Variants in PRKCA observed in about 807,000 individuals in gnomAD.
PRKCA encodes protein kinase C alpha type.
In PRKCA, 27 loss-of-function variants were observed where a neutral mutation model predicts 87.0. The observed-to-expected ratio is 0.31, with a 90% CI of 0.23 to 0.43. The LOEUF is 0.43. PRKCA is among the 20% of genes least tolerant of loss of function. PRKCA has a pLI of 1.00. For missense variants in PRKCA, 518 were observed against 852.3 expected (o/e 0.61, Z 4.88); for synonymous variants, 329 against 311.1 (o/e 1.06, Z -0.61).
chr17:66,791,262 G>A (rs935738622), intron 16 of PRKCA, among the ~76,000 whole-genome samples: 13 of 151,184 alleles, frequency 8.6e-5, no homozygotes, highest in South Asian at 4.2e-4. Flanking sequence ...AGAAATTGTC[G>A]ACCCAGGCCC....
chr17:66,548,885 G>A (rs1430069054), intron 3 of PRKCA, among the ~76,000 whole-genome samples: 17 of 151,764 alleles, frequency 1.1e-4, no homozygotes, highest in Admixed American at 1.1e-3. Context: ...CTCAGTCACT[G>A]CAGCCTCCGC....
chr17:66,477,316 A>G lies in PRKCA; in HGVS notation c.206-18885A>G, dbSNP rs556089871. Among the ~76,000 whole-genome samples, 39 of 152,342 alleles carry G rather than the reference A, an allele frequency of 2.6e-4. No homozygotes were observed. In the South Asian group the frequency reaches 7.9e-3, roughly 31 times the overall value. ...CGTAACAGCAGCATGTAGTTCTTCA[A>G]ATGTTAGCCAGGGGCGTTGCTTAAC... is the stretch of plus-strand genomic sequence containing the variant. On this transcript the variant is annotated intron_variant, in intron 2 of 16. Transcript: ENST00000413366.
At chr17:66,657,463 ACCTTCCT>A (rs1971766930) in intron 5 of PRKCA, among the ~76,000 whole-genome samples, 1 of 152,104 alleles carries the variant, frequency 6.6e-6, no homozygotes, top group Admixed American at 6.6e-5. Context: ...CAAAAGAGAC[ACCTTCCT>A]CACTGAACAC....
intron 2 of PRKCA, among the ~76,000 whole-genome samples, chr17:66,361,211 A>G (rs1477208427): frequency 6.6e-6 from 1 of 152,148 alleles, no homozygotes; most frequent in Non-Finnish European, 1.5e-5. Flanking sequence ...CCAAATGTCA[A>G]TAAGTCATTC....
rs139512913 is a variant in PRKCA, at chr17:66,683,235, A to G, written c.530-3876A>G. Among the ~76,000 whole-genome samples, 82 of 152,330 alleles carry G rather than the reference A, an allele frequency of 5.4e-4. 1 individual carries two copies. The East Asian group carries it at 0.015, about 28-fold the overall frequency. The stretch of plus-strand genomic sequence containing the variant: ...AAACAATCTTGGTTTTCTGTTTCCT[A>G]TAGTGATGTGTTTCCTTTTTAAATG... On this transcript the variant is annotated intron_variant, in intron 5 of 16. Coordinates refer to ENST00000413366, the MANE Select transcript of PRKCA (RefSeq NM_002737.3).
chr17:66,445,026 A>C (rs1275699625), intron 2 of PRKCA, among the ~76,000 whole-genome samples: 2 of 152,106 alleles, frequency 1.3e-5, no homozygotes, highest in African/African-American at 2.4e-5. Context: ...TACTGGATGG[A>C]GTTTGTAGCA....
chr17:66,302,742 C>G lies in PRKCA; in HGVS notation c.-110C>G, dbSNP rs1442537633. ...CGCGACCTCGGCCACCGGCCCGCGC[C>G]CCGCGCCCGGGGTCGCCCCGAGCCC... On this transcript the variant is annotated 5_prime_UTR_variant, in exon 1 of 17. Coordinates refer to ENST00000413366, the MANE Select transcript of PRKCA (RefSeq NM_002737.3). The G allele has an allele frequency of 1.2e-6, 1 of 862,650 alleles. No individual in the cohort carries two copies. Among genetic ancestry groups the G allele is most frequent in the African/African-American group, 1.8e-5 (1 of 54,410 alleles). 53.4% of individuals were successfully genotyped at this position (862,650 alleles called of 1,614,324 possible).
At position 66,745,987 on chromosome 17, in the gene PRKCA, A is replaced by T. The variant is rs148650175; in HGVS notation, c.1524+3227A>T. 4.8e-3 allele frequency among the ~76,000 whole-genome samples: 737 copies of T among 152,238 alleles called. 4 individuals are homozygous for T. The highest frequency in any genetic ancestry group is 7.4e-3 in the Non-Finnish European group (506 of 68,012). ...GCCACGAGGGATACAAAAAGACATCAGATGGCCCTTGCCCTCCAAGTGCTT... is the reference window on the plus strand; with the variant it reads ...GCCACGAGGGATACAAAAAGACATCTGATGGCCCTTGCCCTCCAAGTGCTT... On this transcript the variant is annotated intron_variant, in intron 13 of 16. Coordinates refer to ENST00000413366, the MANE Select transcript of PRKCA (RefSeq NM_002737.3).
At chr17:66,322,020 C>CA (rs970254816) in intron 2 of PRKCA, among the ~76,000 whole-genome samples, 2 of 152,184 alleles carry the variant, frequency 1.3e-5, no homozygotes, top group Non-Finnish European at 2.9e-5. Flanking sequence ...TTCTTTGCTC[C>CA]AAACTTTTTA....
intron 13 of PRKCA, among the ~76,000 whole-genome samples, chr17:66,753,137 G>C (rs1291705060): frequency 6.6e-6 from 1 of 152,238 alleles, no homozygotes; most frequent in Non-Finnish European, 1.5e-5. Flanking sequence ...TTGGCCTACA[G>C]GCTATGGTTT....
intron 16 of PRKCA, among the ~76,000 whole-genome samples, chr17:66,801,870 T>G (rs1975908234): frequency 6.6e-6 from 1 of 152,204 alleles, no homozygotes; most frequent in South Asian, 2.1e-4. Context: ...TACTCACCAT[T>G]CATTGTGGTG....
At chr17:66,321,798 C>G (rs1405776520) in intron 2 of PRKCA, among the ~76,000 whole-genome samples, 1 of 152,142 alleles carries the variant, frequency 6.6e-6, no homozygotes, top group Non-Finnish European at 1.5e-5. Context: ...CCCGCCTCAG[C>G]CTCCCAAAGT....
At chr17:66,438,960 T>C (rs1179161649) in intron 2 of PRKCA, among the ~76,000 whole-genome samples, 1 of 152,136 alleles carries the variant, frequency 6.6e-6, no homozygotes, top group Non-Finnish European at 1.5e-5. Flanking sequence ...AGCCAAACCA[T>C]ATCAGTGATT....
chr17:66,350,526 T>G (rs1030722552), intron 2 of PRKCA, among the ~76,000 whole-genome samples: 4 of 152,218 alleles, frequency 2.6e-5, no homozygotes, highest in Admixed American at 6.5e-5. Flanking sequence ...TTTATTATTT[T>G]TTTTAATCTT....
intron 5 of PRKCA, among the ~76,000 whole-genome samples, chr17:66,659,746 A>C (rs1335872562): frequency 6.6e-6 from 1 of 151,996 alleles, no homozygotes; most frequent in Non-Finnish European, 1.5e-5. Context: ...GTCACAAAAA[A>C]AAGAAGTCAC....
intron 3 of PRKCA, among the ~76,000 whole-genome samples, chr17:66,581,601 A>G (rs931877274): frequency 1.3e-5 from 2 of 151,804 alleles, no homozygotes; most frequent in African/African-American, 2.4e-5. Flanking sequence ...TCAGCCTCCC[A>G]TGTAGCTGGG....
At chr17:66,701,620 AAAAG>A (rs1287820070) in intron 8 of PRKCA, among the ~76,000 whole-genome samples, 3 of 152,332 alleles carry the variant, frequency 2.0e-5, no homozygotes, top group East Asian at 3.9e-4. Context: ...GCAAAAATAA[AAAAG>A]AAAACCCACA....
intron 9 of PRKCA, among the ~76,000 whole-genome samples, chr17:66,733,210 A>G (rs1405313807): frequency 6.6e-6 from 1 of 151,760 alleles, no homozygotes; most frequent in Non-Finnish European, 1.5e-5. Flanking sequence ...GACCACCAGG[A>G]TGGCTAAATG....
At chr17:66,774,207 G>A (rs1308326343) in intron 14 of PRKCA, 140 bp downstream of exon 14, 1 of 1,530,286 alleles carries the variant, frequency 6.5e-7, no homozygotes, top group Non-Finnish European at 8.8e-7. Context: ...GCGAAAGAGG[G>A]AGAAACGCCC....
Sources: gnomAD v4.1 joint callset for allele counts (sites outside exome capture counted in the v4.1 genomes callset) on GRCh38, gnomAD v4.1.1 for gene constraint, MANE v1.5 for transcripts, NCBI Gene and HGNC (gene_info 2026-07-23, HGNC 2026-07-21) for gene names.